The following ADGRL1 variants were observed in gnomAD, a reference collection of about 807,000 sequenced individuals.
The protein encoded by ADGRL1 is CIRL-1.
In ADGRL1, 31 loss-of-function variants were observed where a neutral mutation model predicts 148.9. The ratio of observed to expected loss-of-function variants is 0.21; its 90% confidence interval spans 0.16 to 0.28. The LOEUF (loss-of-function observed/expected upper bound fraction) is 0.28, where lower values mean the gene tolerates loss of function less well. Among genes scored for constraint, ADGRL1 ranks in the 10% least tolerant of loss-of-function variants. The pLI, the probability that ADGRL1 is intolerant of heterozygous loss-of-function variation, is 1.00. For synonymous variants in ADGRL1, 937 were observed against 900.3 expected (o/e 1.04, Z -0.73); for missense variants, 1,521 against 2,058.8 (o/e 0.74, Z 5.05).
At chr19:14,179,752 A>G (rs982371283) in intron 2 of ADGRL1, among the ~76,000 whole-genome samples, 2 of 151,622 alleles carry the variant, frequency 1.3e-5, no homozygotes, top group African/African-American at 4.8e-5. Context: ...TACTTAAAAA[A>G]CTACAAAAAT....
At chr19:14,193,783 G>A (rs1972095413) in intron 1 of ADGRL1, among the ~76,000 whole-genome samples, 1 of 152,200 alleles carries the variant, frequency 6.6e-6, no homozygotes, top group African/African-American at 2.4e-5. Flanking sequence ...GACCATGAAG[G>A]CAGAGATCAG....
In ADGRL1 at chr19:14,159,292, A is replaced by G. The variant is rs375728988; in HGVS notation, c.2024-77T>C. 12 of 1,582,814 alleles carry G rather than the reference A, an allele frequency of 7.6e-6. No homozygotes were observed. The highest frequency in any genetic ancestry group is 6.9e-5 in the South Asian group (6 of 87,194). ...CCAGGGGCTCAGGCTGCAGAACGAG[A>G]CTCTGGCAAGATGCCCAAGGGTCGG... On this transcript the variant is annotated intron_variant, in intron 10 of 22. Coordinates refer to ENST00000361434, the MANE Select transcript of ADGRL1 (RefSeq NM_014921.5). The surrounding 1 kb of genome is among the most constrained non-coding windows in gnomAD (Gnocchi z 6.0).
At chr19:14,171,593 GTC>G (rs558641619) in intron 3 of ADGRL1, among the ~76,000 whole-genome samples, 2 of 152,210 alleles carry the variant, frequency 1.3e-5, no homozygotes, top group Non-Finnish European at 2.9e-5. Flanking sequence ...GTGAGGTGGT[GTC>G]TCTGCAAACT....
chr19:14,170,781 G>A lies in ADGRL1; in HGVS notation c.295C>T (p.Arg99Cys), dbSNP rs1187512327. 3.8e-6 allele frequency: 6 copies of A among 1,592,464 alleles called. No individual in the cohort carries two copies. Among genetic ancestry groups the A allele is most frequent in the Admixed American group, 3.3e-5 (2 of 59,792 alleles). The change falls in exon 4 of 23, where the codon CGC (arginine) becomes TGC (cysteine). Residue 99 changes from arginine to cysteine, a missense_variant. Arg to Cys is a radical substitution (Grantham distance 180). Coordinates refer to ENST00000361434, the MANE Select transcript of ADGRL1 (RefSeq NM_014921.5). ...FKIMSQRCNN[R>C]TQCVVVAGSD... ...CCGGCGACCACCACGCACTGGGTGCGGTTGTTACACCTTCAGAGGAGAAAC... is the reference window on the plus strand; with the variant it reads ...CCGGCGACCACCACGCACTGGGTGCAGTTGTTACACCTTCAGAGGAGAAAC...
At chr19:14,184,242 C>G (rs1971417620) in intron 1 of ADGRL1, among the ~76,000 whole-genome samples, 1 of 152,082 alleles carries the variant, frequency 6.6e-6, no homozygotes, top group Admixed American at 6.6e-5. Flanking sequence ...GCCCGAGTCC[C>G]CTCTTTCCTC....
In ADGRL1 at chr19:14,150,761, G is replaced by GGA; in HGVS notation, c.*110_*111dup. 1 of 1,325,312 alleles carries GGA rather than the reference G, an allele frequency of 7.5e-7. No individual in the cohort carries two copies. The highest frequency in any genetic ancestry group is 1.0e-6 in the Non-Finnish European group (1 of 968,398). 82.1% of individuals were successfully genotyped at this position (1,325,312 alleles called of 1,614,324 possible). A position where few individuals can be genotyped will look rare whatever the true frequency, so the allele number is the denominator to read the frequency against. ...TAGGGCCCATGGCTGAGGGGCACCT[G>GGA]GAGAGAGTGGCCCACCAGCCACTGC... On this transcript the variant is annotated 3_prime_UTR_variant, in exon 23 of 23. Coordinates refer to ENST00000361434, the MANE Select transcript of ADGRL1 (RefSeq NM_014921.5).
In ADGRL1 at chr19:14,148,313, G is replaced by A. The variant is rs144853952; in HGVS notation, c.*2560C>T. The A allele has an allele frequency of 5.7e-3, 874 of 152,606 alleles. 2 individuals are homozygous for A. The highest frequency in any genetic ancestry group is 0.031 in the Middle Eastern group (9 of 294). The allele number at this position is 152,606 out of a possible 1,614,324, so 9.5% of individuals were successfully genotyped here. ...CTCTGAGGCCTGGAAGCCACCCGGC[G>A]ATGCCGGCTGGAACAGGACCCGATA... On this transcript the variant is annotated 3_prime_UTR_variant, in exon 23 of 23. Transcript: ENST00000361434.
chr19:14,175,887 T>C (rs1334163086), intron 3 of ADGRL1, among the ~76,000 whole-genome samples: 1 of 152,086 alleles, frequency 6.6e-6, no homozygotes, highest in African/African-American at 2.4e-5. Flanking sequence ...AAACCCTGTC[T>C]GTACAAAAAT....
At chr19:14,180,280 G>C (rs1309968524) in intron 2 of ADGRL1, among the ~76,000 whole-genome samples, 1 of 152,088 alleles carries the variant, frequency 6.6e-6, no homozygotes, top group African/African-American at 2.4e-5. Flanking sequence ...TTTTGAGACA[G>C]AGTCTCGCTC....
Position 14,162,841 on chromosome 19 carries a change from C to G in ADGRL1, c.960G>C (p.Leu320=). 1.2e-6 allele frequency: 2 copies of G among 1,614,084 alleles called. No homozygotes were observed. The highest frequency in any genetic ancestry group is 1.7e-6 in the Non-Finnish European group (2 of 1,180,004). The change falls in exon 5 of 23, where the codon CTG becomes CTC. Residue 320 remains leucine, a synonymous_variant. Coordinates refer to ENST00000361434, the MANE Select transcript of ADGRL1 (RefSeq NM_014921.5). This position sits in a 1 kb window ranked among gnomAD's most constrained non-coding sequence, Gnocchi z 5.4. ...ASNAFMVCGV[L]YVLRSVYVDD... ...CCACGTACACGGAACGCAGGACGTA[C>G]AGGACCCCACACACCATGAAGGCGT...
intron 3 of ADGRL1, among the ~76,000 whole-genome samples, chr19:14,175,636 TTA>T (rs1306063063): frequency 5.9e-5 from 9 of 151,452 alleles, no homozygotes; most frequent in African/African-American, 2.2e-4. Flanking sequence ...AAAGACATGT[TTA>T]GTCACACACA....
chr19:14,193,117 T>C (rs1334298207), intron 1 of ADGRL1, among the ~76,000 whole-genome samples: 1 of 151,740 alleles, frequency 6.6e-6, no homozygotes, highest in Non-Finnish European at 1.5e-5. Flanking sequence ...CACGACGCCC[T>C]CTCCCCAGAG....
In ADGRL1 at chr19:14,206,128, C is replaced by T. The variant is rs1294918632; in HGVS notation, c.-239G>A. On this transcript the variant is annotated 5_prime_UTR_variant, in exon 1 of 23. Coordinates refer to ENST00000361434, the MANE Select transcript of ADGRL1 (RefSeq NM_014921.5). ...CGGGACGAGGGCGGCCTCCGTGTCC[C>T]TTCCTTCCCCTGGCCCAGCACCGCC... is the stretch of plus-strand genomic sequence containing the variant. The T allele has an allele frequency of 6.6e-6, 1 of 151,068 alleles. No individual in the cohort carries two copies. Among genetic ancestry groups the T allele is most frequent in the Non-Finnish European group, 1.5e-5 (1 of 67,710 alleles). The allele number at this position is 151,068 out of a possible 1,614,324, so 9.4% of individuals were successfully genotyped here. A position where few individuals can be genotyped will look rare whatever the true frequency, so the allele number is the denominator to read the frequency against.
intron 4 of ADGRL1, chr19:14,167,157 C>T (rs1361169859): frequency 4.8e-6 from 4 of 834,896 alleles, no homozygotes; most frequent in Non-Finnish European, 7.8e-6. Context: ...CTTTTCCTTT[C>T]CTTCCTCGCT....
chr19:14,160,671 T>C lies in ADGRL1; in HGVS notation c.1536A>G (p.Pro512=), dbSNP rs773565513. Reference sequence around the variant, plus strand: ...CCCGGGGGTTCCAGAGCCCCAAGGCTGGTAGACACTGGAAGGAGGCAATTC... The same window carrying C: ...CCCGGGGGTTCCAGAGCCCCAAGGCCGGTAGACACTGGAAGGAGGCAATTC... The part of the protein sequence containing the change: ...TRGIASFQCL[P]ALGLWNPRGP... Residue 512 remains proline (P), a synonymous_variant, in exon 7 of 23, where the codon CCA becomes CCG. Transcript: ENST00000361434. This position sits in a 1 kb window ranked among gnomAD's most constrained non-coding sequence, Gnocchi z 5.9. 6.2e-7 allele frequency: 1 copy of C among 1,612,312 alleles called. No homozygotes were observed. The highest frequency in any genetic ancestry group is 8.5e-7 in the Non-Finnish European group (1 of 1,179,190).
At chr19:14,184,654 T>TTTTTTG in intron 1 of ADGRL1, among the ~76,000 whole-genome samples, 1 of 147,022 alleles carries the variant, frequency 6.8e-6, no homozygotes, top group Non-Finnish European at 1.5e-5. Flanking sequence ...TTATTTTTTT[T>TTTTTTG]TCTGAGACGG....
rs1175231102 is a variant in ADGRL1, at chr19:14,150,625, C to G, written c.*248G>C. The stretch of plus-strand genomic sequence containing the variant: ...TCACTCCCCTGGGGTCCTCTGGGCT[C>G]CTCCTCACTACACTTCCCCCAAATA... On this transcript the variant is annotated 3_prime_UTR_variant, in exon 23 of 23. Transcript: ENST00000361434. 3 of 535,682 alleles carry G rather than the reference C, an allele frequency of 5.6e-6. No homozygotes were observed. The highest frequency in any genetic ancestry group is 9.8e-6 in the Non-Finnish European group (3 of 305,726). The allele number at this position is 535,682 out of a possible 1,614,324, so 33.2% of individuals were successfully genotyped here.
At position 14,160,338 on chromosome 19, in the gene ADGRL1, T is replaced by C. The variant is rs1279661251; in HGVS notation, c.1615-41A>G. On this transcript the variant is annotated intron_variant, in intron 7 of 22. Transcript: ENST00000361434. The surrounding 1 kb of genome is among the most constrained non-coding windows in gnomAD (Gnocchi z 5.9). The stretch of plus-strand genomic sequence containing the variant: ...GCGGGAAGGGGGAATCCCAGGACTG[T>C]CAGGGACCATCCTGCCCTCCCCGGC... 3.2e-6 allele frequency: 5 copies of C among 1,546,910 alleles called. No individual in the cohort carries two copies. The Admixed American group carries it at 8.8e-5, about 27-fold the overall frequency.
intron 3 of ADGRL1, among the ~76,000 whole-genome samples, chr19:14,175,593 TAC>T (rs199926319): frequency 1.2e-3 from 179 of 151,518 alleles, no homozygotes; most frequent in East Asian, 2.9e-3. Flanking sequence ...CACACTCCAA[TAC>T]ACACTCATAC....
Sources: allele counts gnomAD v4.1 joint callset (sites outside exome capture counted in the v4.1 genomes callset), GRCh38; gene constraint gnomAD v4.1.1; non-coding constraint Gnocchi (gnomAD v3.1); transcripts MANE v1.5; gene names NCBI Gene and HGNC (gene_info 2026-07-23, HGNC 2026-07-21).